ZNF724: variants seen among roughly 807,000 people sequenced by gnomAD.
The protein encoded by ZNF724 is zinc finger protein 724, also known as zinc finger protein 724 pseudogene.
ZNF724 carries 14 observed loss-of-function variants against 29.3 expected under a neutral mutation model. The observed-to-expected ratio is 0.48, with a 90% CI of 0.32 to 0.75. The LOEUF is 0.75. Among genes scored for constraint, ZNF724 ranks in the 30% least tolerant of loss-of-function variants. The pLI, the probability that ZNF724 is intolerant of heterozygous loss-of-function variation, is 0.04. For missense variants in ZNF724, 557 were observed against 571.2 expected (o/e 0.98, Z 0.25); for synonymous variants, 180 against 193.6 (o/e 0.93, Z 0.58).
chr19:23,230,624 TCA>T lies in ZNF724; in HGVS notation c.226+640_226+641del, dbSNP rs1971919688. 3.3e-5 allele frequency among the ~76,000 whole-genome samples: 5 copies of T among 152,252 alleles called. No homozygotes were observed. In the South Asian group the frequency reaches 1.0e-3, roughly 32 times the overall value. ...GTTTAACACAGAGTTTCTTAAAATTTCACAGATATTTATGTGTCCACCAAAAC... is the reference window on the plus strand; with the variant it reads ...GTTTAACACAGAGTTTCTTAAAATTTCAGATATTTATGTGTCCACCAAAAC... On this transcript the variant is annotated intron_variant, in intron 3 of 3. Transcript: ENST00000418100.
chr19:23,224,439 T>G (rs1421106717), intron 3 of ZNF724, among the ~76,000 whole-genome samples: 3 of 151,364 alleles, frequency 2.0e-5, no homozygotes, highest in Non-Finnish European at 4.4e-5. Context: ...AACAAAAAAC[T>G]GCATAACAAA....
At chr19:23,233,524 C>T (rs914464546) in intron 1 of ZNF724, among the ~76,000 whole-genome samples, 1 of 151,942 alleles carries the variant, frequency 6.6e-6, no homozygotes, top group Non-Finnish European at 1.5e-5. Flanking sequence ...TCAACAGCCA[C>T]AAAAAGAACA....
chr19:23,233,840 C>T (rs1367892588), intron 1 of ZNF724, among the ~76,000 whole-genome samples: 2 of 151,752 alleles, frequency 1.3e-5, no homozygotes, highest in Non-Finnish European at 2.9e-5. Context: ...TCCTCCTTCT[C>T]TTGGATTTAT....
In ZNF724 at chr19:23,232,240, T is replaced by C. The variant is rs1283421951; in HGVS notation, c.57A>G (p.Gln19=). Residue 19 remains glutamine, a synonymous_variant, in exon 2 of 4, where the codon CAA becomes CAG. Transcript: ENST00000418100. ...AATTCTGCTGTGCAGTGTCCAGGCA[T>C]TGCCACTCCTCCACAGAGAATTCTA... ...VAIEFSVEEW[Q]CLDTAQQNLY... The C allele has an allele frequency of 7.7e-7, 1 of 1,299,574 alleles. No homozygotes were observed. The highest frequency in any genetic ancestry group is 1.1e-6 in the Non-Finnish European group (1 of 893,344). 80.5% of individuals were successfully genotyped at this position (1,299,574 alleles called of 1,614,324 possible). A position where few individuals can be genotyped will look rare whatever the true frequency, so the allele number is the denominator to read the frequency against.
intron 1 of ZNF724, among the ~76,000 whole-genome samples, chr19:23,246,038 T>G (rs1972227871): frequency 6.6e-6 from 1 of 152,114 alleles, no homozygotes; most frequent in South Asian, 2.1e-4. Context: ...AAGAACTAAC[T>G]GGGCCTTTAA....
At position 23,235,855 on chromosome 19, in the gene ZNF724, C is replaced by T. The variant is rs576288964; in HGVS notation, c.4-3562G>A. Among the ~76,000 whole-genome samples the T allele has an allele frequency of 1.1e-4, 16 of 152,214 alleles. No individual in the cohort carries two copies. The South Asian group carries it at 2.5e-3, about 24-fold the overall frequency. ...CTAGAGAAACTCCAAAATGATAGAA[C>T]AGAAAGTAAACTGTTTCATTACACA... is the stretch of plus-strand genomic sequence containing the variant. On this transcript the variant is annotated intron_variant, in intron 1 of 3. Transcript: ENST00000418100.
At chr19:23,234,066 C>T (rs1467469706) in intron 1 of ZNF724, among the ~76,000 whole-genome samples, 1 of 152,010 alleles carries the variant, frequency 6.6e-6, no homozygotes, top group Non-Finnish European at 1.5e-5. Flanking sequence ...CCAAAGACAC[C>T]AGCAATTTCT....
At chr19:23,246,438 C>T (rs955176680) in intron 1 of ZNF724, among the ~76,000 whole-genome samples, 2 of 151,760 alleles carry the variant, frequency 1.3e-5, no homozygotes, top group African/African-American at 2.4e-5. Flanking sequence ...GGGCAGATCA[C>T]GAGGTCAGGA....
At chr19:23,238,799 C>T (rs571924514) in intron 1 of ZNF724, among the ~76,000 whole-genome samples, 1 of 152,172 alleles carries the variant, frequency 6.6e-6, no homozygotes, top group Non-Finnish European at 1.5e-5. Context: ...TCCCACTACT[C>T]AGGAGGCTGA....
chr19:23,233,441 C>T (rs1971972472), intron 1 of ZNF724, among the ~76,000 whole-genome samples: 1 of 152,020 alleles, frequency 6.6e-6, no homozygotes, highest in South Asian at 2.1e-4. Flanking sequence ...TTCAACATTA[C>T]ATGTTCTCCA....
chr19:23,228,248 G>C (rs1008393116), intron 3 of ZNF724, among the ~76,000 whole-genome samples: 2 of 151,910 alleles, frequency 1.3e-5, no homozygotes, highest in South Asian at 4.2e-4. Flanking sequence ...TCAGGAGTTC[G>C]AGACCAGCCT....
intron 1 of ZNF724, among the ~76,000 whole-genome samples, chr19:23,246,292 C>T (rs1363648503): frequency 6.6e-6 from 1 of 151,810 alleles, no homozygotes; most frequent in Non-Finnish European, 1.5e-5. Flanking sequence ...TTATTATCTC[C>T]ATTATAAATC....
At chr19:23,243,492 A>AT (rs1568345924) in intron 1 of ZNF724, among the ~76,000 whole-genome samples, 2 of 148,640 alleles carry the variant, frequency 1.3e-5, no homozygotes, top group African/African-American at 5.1e-5. Flanking sequence ...AAAAAAAAAA[A>AT]AAAAAAAAAG....
intron 3 of ZNF724, among the ~76,000 whole-genome samples, chr19:23,228,986 C>A (rs148818658): frequency 1.8e-3 from 279 of 151,814 alleles, no homozygotes; most frequent in African/African-American, 6.3e-3. Flanking sequence ...TCACCTGAAC[C>A]TGGGAGGCGG....
At chr19:23,230,099 A>G (rs1351991933) in intron 3 of ZNF724, among the ~76,000 whole-genome samples, 1 of 152,160 alleles carries the variant, frequency 6.6e-6, no homozygotes, top group Non-Finnish European at 1.5e-5. Context: ...AACTTAAACT[A>G]TCTGATAAAA....
intron 2 of ZNF724, among the ~76,000 whole-genome samples, chr19:23,231,590 AAT>A (rs1479518232): frequency 6.6e-6 from 1 of 152,184 alleles, no homozygotes; most frequent in Non-Finnish European, 1.5e-5. Flanking sequence ...TATAGAAAAC[AAT>A]ATTTTATGCC....
chr19:23,239,510 C>A (rs111820250), intron 1 of ZNF724, among the ~76,000 whole-genome samples: 98 of 152,196 alleles, frequency 6.4e-4, no homozygotes, highest in African/African-American at 2.2e-3. Flanking sequence ...TCAATAAGTT[C>A]TTTGAAACAA....
chr19:23,250,235 C>G lies in ZNF724; in HGVS notation c.3+5G>C. The G allele has an allele frequency of 1.5e-6, 1 of 685,232 alleles. No homozygotes were observed. The highest frequency in any genetic ancestry group is 2.5e-6 in the Non-Finnish European group (1 of 393,624). The allele number at this position is 685,232 out of a possible 1,614,324, so 42.4% of individuals were successfully genotyped here. Reference sequence around the variant, plus strand: ...CTCTCCGGATGTCGGAGCCGCCACTCTCACCATTTCTAGGCTTCCAGGGGA... The same window carrying G: ...CTCTCCGGATGTCGGAGCCGCCACTGTCACCATTTCTAGGCTTCCAGGGGA... On this transcript the variant is annotated splice_donor_5th_base_variant and intron_variant, in intron 1 of 3. Coordinates refer to ENST00000418100, the MANE Select transcript of ZNF724 (RefSeq NM_001355404.2).
chr19:23,246,771 A>T (rs1027919037), intron 1 of ZNF724, among the ~76,000 whole-genome samples: 8 of 152,220 alleles, frequency 5.3e-5, no homozygotes, highest in Admixed American at 5.2e-4. Flanking sequence ...TGTTTTTATC[A>T]ATCTATGTAA....
Sources: allele counts gnomAD v4.1 joint callset (sites outside exome capture counted in the v4.1 genomes callset), GRCh38; gene constraint gnomAD v4.1.1; transcripts MANE v1.5; gene names NCBI Gene and HGNC (gene_info 2026-07-23, HGNC 2026-07-21).